Variants in P4HA2 observed in about 807,000 individuals in gnomAD.
P4HA2 encodes the protein prolyl 4-hydroxylase subunit alpha-2.
A neutral mutation model predicts 76.9 loss-of-function variants in P4HA2; 46 were observed. That is an observed-to-expected ratio of 0.60 (90% confidence interval 0.47 to 0.76). The LOEUF (loss-of-function observed/expected upper bound fraction) is 0.76, where lower values mean the gene tolerates loss of function less well. Among genes scored for constraint, P4HA2 ranks in the 30% least tolerant of loss-of-function variants. The probability of loss-of-function intolerance (pLI) is 0.00; values close to 1 mark genes in which losing one functional copy is unlikely to be tolerated. For missense variants in P4HA2, 583 were observed against 669.4 expected (o/e 0.87, Z 1.42); for synonymous variants, 243 against 254.0 (o/e 0.96, Z 0.41).
chr5:132,218,913 T>A (rs1754279236), intron 1 of P4HA2, among the ~76,000 whole-genome samples: 1 of 152,146 alleles, frequency 6.6e-6, no homozygotes, highest in South Asian at 2.1e-4. Context: ...ACCTGTACCA[T>A]GAGAAGGCGG....
chr5:132,205,271 G>A (rs1427943322), intron 8 of P4HA2, among the ~76,000 whole-genome samples: 2 of 152,186 alleles, frequency 1.3e-5, no homozygotes, highest in African/African-American at 4.8e-5. Context: ...AGTTATCCAA[G>A]TAGAGGAACA....
Position 132,204,022 on chromosome 5 carries a change from G to A in P4HA2, c.1151+60C>T. On this transcript the variant is annotated intron_variant, in intron 9 of 14. Transcript: ENST00000360568. ...AGGCAAGCCACCCATCCCTAGGGTA[G>A]GCACTGAGAAGTCCTGAAGTTGGGG... 2.1e-6 allele frequency: 3 copies of A among 1,396,554 alleles called. No individual in the cohort carries two copies. In the South Asian group the frequency reaches 3.5e-5, roughly 16 times the overall value. 86.5% of individuals were successfully genotyped at this position (1,396,554 alleles called of 1,614,324 possible). A position where few individuals can be genotyped will look rare whatever the true frequency, so the allele number is the denominator to read the frequency against.
rs374983174 is a variant in P4HA2 at position 132,217,813 on chromosome 5, G to T, written c.118C>A (p.Leu40Met). The T allele has an allele frequency of 6.2e-7, 1 of 1,612,840 alleles. No individual in the cohort carries two copies. Among genetic ancestry groups the T allele is most frequent in the Non-Finnish European group, 8.5e-7 (1 of 1,178,896 alleles). The change falls in exon 3 of 15, where the codon CTG (leucine) becomes ATG (methionine). Residue 40 changes from leucine (L) to methionine (M), a missense_variant. Physicochemically the swap from Leu to Met is conservative, Grantham distance 15 (BLOSUM62 2). Coordinates refer to ENST00000360568, the MANE Select transcript of P4HA2 (RefSeq NM_001017974.2). ...MTDLIYAEKE[L>M]VQSLKEYILV... ...ATGTACTCTTTCAGAGACTGCACCA[G>T]CTCTTTCTCTGCATAAATCAGGTCA...
chr5:132,213,077 C>T (rs1753310458), intron 5 of P4HA2, among the ~76,000 whole-genome samples: 2 of 152,150 alleles, frequency 1.3e-5, no homozygotes, highest in Non-Finnish European at 2.9e-5. Context: ...AGAGGGGCCA[C>T]TTGAGAGAAA....
At chr5:132,194,460 C>T (rs1213023491) in intron 14 of P4HA2, among the ~76,000 whole-genome samples, 1 of 152,176 alleles carries the variant, frequency 6.6e-6, no homozygotes, top group Non-Finnish European at 1.5e-5. Flanking sequence ...CAGTTTGGTC[C>T]CAGCCTCCAG....
intron 1 of P4HA2, among the ~76,000 whole-genome samples, chr5:132,225,567 A>C (rs1755270717): frequency 6.6e-6 from 1 of 152,218 alleles, no homozygotes; most frequent in South Asian, 2.1e-4. Context: ...GCACATGGCC[A>C]GCTGCCAATA....
chr5:132,213,244 C>T (rs1398736084), intron 5 of P4HA2, among the ~76,000 whole-genome samples: 1 of 152,106 alleles, frequency 6.6e-6, no homozygotes, highest in Non-Finnish European at 1.5e-5. Context: ...ACCAGCCAAG[C>T]GGCCACTGAT....
At chr5:132,212,242 A>C (rs965698269) in intron 5 of P4HA2, among the ~76,000 whole-genome samples, 2 of 152,214 alleles carry the variant, frequency 1.3e-5, no homozygotes, top group Non-Finnish European at 2.9e-5. Flanking sequence ...GTTTGGGTTT[A>C]GCTTTGGAAA....
rs545204769 is a variant in P4HA2, at chr5:132,191,437, G to C, written c.*1573C>G. ...TGAGGCAGGAGAATGGCGTGAACCC[G>C]GGAGGCGGAGCTTGCAGTGAGCCGA... On this transcript the variant is annotated 3_prime_UTR_variant, in exon 15 of 15. Transcript: ENST00000360568. Among the ~76,000 whole-genome samples, 251 of 149,676 alleles carry C rather than the reference G, an allele frequency of 1.7e-3. 5 individuals are homozygous for C. In the South Asian group the frequency reaches 0.029, roughly 17 times the overall value.
intron 4 of P4HA2, among the ~76,000 whole-genome samples, chr5:132,216,097 G>C (rs1434438508): frequency 1.4e-5 from 2 of 146,222 alleles, no homozygotes; most frequent in South Asian, 4.4e-4. Flanking sequence ...CCCGGAGGCA[G>C]AGGTTGCAGT....
chr5:132,214,486 T>C (rs1753578386), intron 4 of P4HA2, among the ~76,000 whole-genome samples: 1 of 152,128 alleles, frequency 6.6e-6, no homozygotes, highest in Non-Finnish European at 1.5e-5. Flanking sequence ...TCCAGGGTAA[T>C]TGGGCTAGTC....
intron 14 of P4HA2, chr5:132,193,319 A>G: frequency 3.3e-4 from 133 of 399,054 alleles, no homozygotes; most frequent in South Asian, 2.1e-3. Flanking sequence ...TGGGAATAGC[A>G]CCCAAGGGCA....
intron 10 of P4HA2, 77 bp from the exon 11 acceptor site, chr5:132,199,009 T>C (rs2126543796): frequency 9.9e-7 from 1 of 1,005,310 alleles, no homozygotes; most frequent in South Asian, 1.3e-5. Context: ...AGGGATACCA[T>C]CTTCCCAGGC....
At chr5:132,196,254 T>A (rs1750630981) in intron 12 of P4HA2, among the ~76,000 whole-genome samples, 1 of 152,182 alleles carries the variant, frequency 6.6e-6, no homozygotes, top group African/African-American at 2.4e-5. Context: ...GGTAAATGAA[T>A]AAGACAAAAG....
rs1281262314 is a variant in P4HA2 at position 132,203,788 on chromosome 5, T to C, written c.1211A>G (p.His404Arg). ...VVARVNRRMQ[H>R]ITGLTVKTAE... ...AGTCTTTACTGTTAACCCTGTGATA[T>C]GCTGCATCCGACGATTTACTCGGGC... Residue 404 changes from histidine to arginine, a missense_variant, in exon 10 of 15, where the codon CAT becomes CGT. Transcript: ENST00000360568. 3 of 1,613,180 alleles carry C rather than the reference T, an allele frequency of 1.9e-6. No individual in the cohort carries two copies. Among genetic ancestry groups the C allele is most frequent in the East Asian group, 2.2e-5 (1 of 44,886 alleles).
chr5:132,194,700 C>T (rs1750358281), intron 14 of P4HA2, among the ~76,000 whole-genome samples: 1 of 152,242 alleles, frequency 6.6e-6, no homozygotes, highest in Non-Finnish European at 1.5e-5. Context: ...CTCAGGCCTT[C>T]TTCAGCTTCC....
At chr5:132,211,178 TCA>T (rs1394926717) in intron 5 of P4HA2, among the ~76,000 whole-genome samples, 1 of 152,148 alleles carries the variant, frequency 6.6e-6, no homozygotes, top group Non-Finnish European at 1.5e-5. Context: ...TTGCTGAGTA[TCA>T]GTTCAGTGGG....
rs1238378492 is a variant in P4HA2 at position 132,195,866 on chromosome 5, T to C, written c.1366-386A>G. 2.3e-5 allele frequency: 6 copies of C among 257,192 alleles called. No homozygotes were observed. The South Asian group carries it at 3.1e-4, about 13-fold the overall frequency. The allele number at this position is 257,192 out of a possible 1,614,324, so 15.9% of individuals were successfully genotyped here. ...CAAAGTGCCCTGACCAGGAGCTCTGTACTGTTTCCAACACCATGTGCAGTC... is the reference window on the plus strand; with the variant it reads ...CAAAGTGCCCTGACCAGGAGCTCTGCACTGTTTCCAACACCATGTGCAGTC... On this transcript the variant is annotated intron_variant, in intron 12 of 14. Coordinates refer to ENST00000360568, the MANE Select transcript of P4HA2 (RefSeq NM_001017974.2).
At chr5:132,223,157 G>C (rs1195738880) in intron 1 of P4HA2, among the ~76,000 whole-genome samples, 1 of 152,214 alleles carries the variant, frequency 6.6e-6, no homozygotes. Flanking sequence ...TACCAGACTG[G>C]CCTCCCCAGT....
Sources: allele counts gnomAD v4.1 joint callset (sites outside exome capture counted in the v4.1 genomes callset), GRCh38; gene constraint gnomAD v4.1.1; transcripts MANE v1.5; gene names NCBI Gene and HGNC (gene_info 2026-07-23, HGNC 2026-07-21).